Variants in OPRM1 observed in about 807,000 individuals in gnomAD.
The protein encoded by OPRM1 is mu-type opioid receptor.
Under a neutral mutation model 31.8 loss-of-function variants are expected in OPRM1, and 27 were observed. The ratio of observed to expected loss-of-function variants is 0.85; its 90% CI spans 0.63 to 1.17. The LOEUF is 1.17. Among genes scored for constraint, OPRM1 ranks in the 50% most tolerant of loss-of-function variants. The pLI, the probability that OPRM1 is intolerant of heterozygous loss-of-function variation, is 0.00. For synonymous variants in OPRM1, 196 were observed against 189.9 expected, an observed-to-expected ratio of 1.03 and a Z score of -0.26; for missense variants, 536 against 511.1, an observed-to-expected ratio of 1.05 and a Z score of -0.47.
intron 3 of OPRM1, among the ~76,000 whole-genome samples, chr6:154,207,975 C>T (rs1003705447): frequency 9.8e-5 from 15 of 152,314 alleles, no homozygotes; most frequent in Non-Finnish European, 1.8e-4. Context: ...ACTGCTATCC[C>T]GATGGAATCG....
intron 1 of OPRM1, among the ~76,000 whole-genome samples, chr6:154,088,272 A>G (rs932173249): frequency 2.9e-4 from 44 of 152,206 alleles, no homozygotes; most frequent in African/African-American, 1.0e-3. Flanking sequence ...ACTAATCTAT[A>G]AGAACAGAAA....
chr6:154,218,015 G>A (rs1048045427), intron 3 of OPRM1, among the ~76,000 whole-genome samples: 5 of 152,166 alleles, frequency 3.3e-5, no homozygotes, highest in Admixed American at 6.5e-5. Flanking sequence ...AAAAACTGGT[G>A]ATGTTTAGAA....
At chr6:154,172,561 CTGGGATGCTGGAG>C (rs1799961917) in intron 3 of OPRM1, among the ~76,000 whole-genome samples, 4 of 152,354 alleles carry the variant, frequency 2.6e-5, no homozygotes, top group African/African-American at 9.6e-5. Flanking sequence ...TGAGATTGTC[CTGGGATGCTGGAG>C]CTTGGCAAGG....
At chr6:154,077,038 G>A (rs149845596) in intron 1 of OPRM1, among the ~76,000 whole-genome samples, 1,743 of 152,154 alleles carry the variant, frequency 0.011, 25 homozygotes, top group African/African-American at 0.039. Flanking sequence ...AGGCAAAAAA[G>A]TCCTCAATAG....
chr6:154,010,768 A>T, exon 1 of OPRM1: 1 of 1,416,330 alleles, frequency 7.1e-7, no homozygotes, highest in African/African-American at 1.4e-5. Context: ...CAAACAAGAG[A>T]ATTCGGTCAA....
At chr6:154,026,311 A>C (rs1778693523) in intron 1 of OPRM1, among the ~76,000 whole-genome samples, 1 of 152,026 alleles carries the variant, frequency 6.6e-6, no homozygotes, top group Non-Finnish European at 1.5e-5. Context: ...CAGACATATT[A>C]GAGCTAAATT....
chr6:154,228,204 G>A (rs534607904), intron 3 of OPRM1, among the ~76,000 whole-genome samples: 7 of 151,862 alleles, frequency 4.6e-5, no homozygotes, highest in South Asian at 2.1e-4. Context: ...GGTGGCTCAC[G>A]CCTGTAATCC....
At chr6:154,187,302 C>G (rs1801469804) in intron 3 of OPRM1, among the ~76,000 whole-genome samples, 1 of 152,144 alleles carries the variant, frequency 6.6e-6, no homozygotes, top group East Asian at 1.9e-4. Flanking sequence ...GTAAAAAAAG[C>G]ATGGCTTTTA....
chr6:154,026,545 A>G (rs1163794846), intron 1 of OPRM1, among the ~76,000 whole-genome samples: 1 of 152,068 alleles, frequency 6.6e-6, no homozygotes, highest in East Asian at 1.9e-4. Flanking sequence ...CTCATTCTCT[A>G]CTTCCTCTTT....
chr6:154,112,454 A>G (rs918459846), intron 3 of OPRM1, among the ~76,000 whole-genome samples: 13 of 152,232 alleles, frequency 8.5e-5, no homozygotes, highest in African/African-American at 2.9e-4. Flanking sequence ...GCTGCTACAC[A>G]TACAATGAGT....
At chr6:154,033,134 T>G (rs1471330) in intron 1 of OPRM1, among the ~76,000 whole-genome samples, 4,384 of 152,112 alleles carry the variant, frequency 0.029, 199 homozygotes, top group African/African-American at 0.1. Flanking sequence ...TAAACCAAAA[T>G]AAATTGTCAG....
chr6:154,070,341 G>A (rs552146519), intron 1 of OPRM1, among the ~76,000 whole-genome samples: 1 of 152,318 alleles, frequency 6.6e-6, no homozygotes, highest in East Asian at 1.9e-4. Flanking sequence ...ACACTCCAAA[G>A]TTCAAAAATA....
chr6:154,070,189 A>G (rs1390202062), intron 1 of OPRM1, among the ~76,000 whole-genome samples: 1 of 152,218 alleles, frequency 6.6e-6, no homozygotes, highest in Non-Finnish European at 1.5e-5. Context: ...GCTGCATGCA[A>G]GCTGCTCCTG....
At chr6:154,113,907 G>A (rs1796594293) in intron 3 of OPRM1, among the ~76,000 whole-genome samples, 1 of 152,168 alleles carries the variant, frequency 6.6e-6, no homozygotes, top group African/African-American at 2.4e-5. Context: ...CAGGGTCTAA[G>A]GTGTTCTTTC....
chr6:154,186,892 C>G (rs1031987646), intron 3 of OPRM1, among the ~76,000 whole-genome samples: 1 of 152,036 alleles, frequency 6.6e-6, no homozygotes, highest in African/African-American at 2.4e-5. Context: ...GAGATGGCAC[C>G]GCTCCTCCCT....
At chr6:154,058,068 T>C (rs1239748844) in intron 1 of OPRM1, among the ~76,000 whole-genome samples, 3 of 152,232 alleles carry the variant, frequency 2.0e-5, no homozygotes, top group Non-Finnish European at 2.9e-5. Context: ...CCACAAAGCA[T>C]AACTTAAAAC....
intron 3 of OPRM1, among the ~76,000 whole-genome samples, chr6:154,107,042 A>G (rs867453564): frequency 6.6e-6 from 1 of 152,216 alleles, no homozygotes. Context: ...TTCTAAGCCA[A>G]TTAATCAGAG....
chr6:154,098,588 A>G (rs1179600520), intron 3 of OPRM1, among the ~76,000 whole-genome samples: 1 of 152,186 alleles, frequency 6.6e-6, no homozygotes, highest in Non-Finnish European at 1.5e-5. Context: ...GCAGTTTCAC[A>G]GTATTTATTT....
At chr6:154,040,678 A>G (rs1328046488) in intron 1 of OPRM1, among the ~76,000 whole-genome samples, 1 of 152,206 alleles carries the variant, frequency 6.6e-6, no homozygotes, top group African/African-American at 2.4e-5. Context: ...ATAATTCCAC[A>G]TTAGAAACTG....
Sources: allele counts gnomAD v4.1 joint callset (sites outside exome capture counted in the v4.1 genomes callset), GRCh38; gene constraint gnomAD v4.1.1; transcripts MANE v1.5; gene names NCBI Gene and HGNC (gene_info 2026-07-23, HGNC 2026-07-21).